STAU2: variants seen among roughly 807,000 people sequenced by gnomAD.
STAU2 encodes staufen double-stranded RNA binding protein 2.
Under a neutral mutation model 65.9 loss-of-function variants are expected in STAU2, and 20 were observed. The ratio of observed to expected loss-of-function variants is 0.30; its 90% CI spans 0.21 to 0.44. The LOEUF is 0.44. STAU2 is among the 20% of genes least tolerant of loss of function. STAU2 has a pLI of 1.00. For synonymous variants in STAU2, 232 were observed against 233.9 expected (o/e 0.99, Z 0.07); for missense variants, 558 against 683.9 (o/e 0.82, Z 2.05).
chr8:73,532,329 G>A (rs893269871), intron 13 of STAU2, among the ~76,000 whole-genome samples: 4 of 152,174 alleles, frequency 2.6e-5, no homozygotes, highest in African/African-American at 4.8e-5. Flanking sequence ...TGCGGGGAAC[G>A]TGCACCTGTA....
At chr8:73,521,492 G>C (rs1823037598) in intron 13 of STAU2, among the ~76,000 whole-genome samples, 1 of 152,086 alleles carries the variant, frequency 6.6e-6, no homozygotes, top group African/African-American at 2.4e-5. Context: ...ATATAGATTT[G>C]GTTCTTGCTT....
chr8:73,724,302 A>G (rs1208585795), intron 3 of STAU2, among the ~76,000 whole-genome samples: 1 of 152,200 alleles, frequency 6.6e-6, no homozygotes, highest in Admixed American at 6.5e-5. Context: ...GTTACACCAC[A>G]TGGACCAGAG....
intron 1 of STAU2, among the ~76,000 whole-genome samples, chr8:73,742,038 A>C (rs1206912907): frequency 6.6e-6 from 1 of 152,222 alleles, no homozygotes; most frequent in Admixed American, 6.5e-5. Flanking sequence ...CAGTTATTTT[A>C]GATTTACATC....
intron 7 of STAU2, among the ~76,000 whole-genome samples, chr8:73,617,069 T>C (rs1812879552): frequency 6.6e-6 from 1 of 151,978 alleles, no homozygotes; most frequent in Non-Finnish European, 1.5e-5. Context: ...CTCATCCTCA[T>C]ATACATCCCC....
chr8:73,462,774 C>T (rs1819438706), intron 13 of STAU2, among the ~76,000 whole-genome samples: 1 of 151,820 alleles, frequency 6.6e-6, no homozygotes, highest in African/African-American at 2.4e-5. Flanking sequence ...CAAGCCTTGC[C>T]TATATTGTGA....
At chr8:73,518,927 T>G (rs138578474) in intron 13 of STAU2, among the ~76,000 whole-genome samples, 2,420 of 152,288 alleles carry the variant, frequency 0.016, 21 homozygotes, top group Non-Finnish European at 0.026. Flanking sequence ...AGGACCATTT[T>G]GAAATATTTA....
rs561305624 is a variant in STAU2 at position 73,740,997 on chromosome 8, T to C, written c.-196-1129A>G. Among the ~76,000 whole-genome samples the C allele has an allele frequency of 4.9e-3, 683 of 139,272 alleles. 9 individuals carry two copies. The highest frequency in any genetic ancestry group is 3.4e-3 in the East Asian group (16 of 4,770). 91.4% of individuals were successfully genotyped at this position (139,272 alleles called of 152,430 possible). A position where few individuals can be genotyped will look rare whatever the true frequency, so the allele number is the denominator to read the frequency against. Reference sequence around the variant, plus strand: ...TCCAGTCCAGGTGACAGAGCAAGACTTCATCTCAGAAAAAAAAAAAAAAAA... The same window carrying C: ...TCCAGTCCAGGTGACAGAGCAAGACCTCATCTCAGAAAAAAAAAAAAAAAA... On this transcript the variant is annotated intron_variant, in intron 1 of 14. Transcript: ENST00000524300.
chr8:73,634,952 T>C (rs988475051), intron 6 of STAU2, among the ~76,000 whole-genome samples: 1 of 152,220 alleles, frequency 6.6e-6, no homozygotes, highest in African/African-American at 2.4e-5. Context: ...ATTTTTTATT[T>C]TCTATCTCCC....
chr8:73,452,504 C>T (rs191381625), intron 13 of STAU2, among the ~76,000 whole-genome samples: 1 of 152,164 alleles, frequency 6.6e-6, no homozygotes, highest in South Asian at 2.1e-4. Flanking sequence ...CCATTTCCCC[C>T]TGTAACAATA....
At chr8:73,710,376 C>CT (rs11389924) in intron 3 of STAU2, among the ~76,000 whole-genome samples, 11,904 of 133,566 alleles carry the variant, frequency 0.089, 583 homozygotes, top group Middle Eastern at 0.18. Flanking sequence ...GGCTTCTATC[C>CT]TTTTTTTTTT....
chr8:73,501,841 T>C (rs1563388900), intron 13 of STAU2, among the ~76,000 whole-genome samples: 1 of 151,992 alleles, frequency 6.6e-6, no homozygotes, highest in Admixed American at 6.6e-5. Context: ...TAAATGTAAA[T>C]TAAGATGTTT....
chr8:73,738,889 C>T (rs1806632085), intron 2 of STAU2, among the ~76,000 whole-genome samples: 1 of 152,142 alleles, frequency 6.6e-6, no homozygotes, highest in Admixed American at 6.5e-5. Context: ...AATTATCTTG[C>T]TGAATAGTTT....
rs572487329 is a variant in STAU2, at chr8:73,571,581, G to C, written c.1222+11189C>G. On this transcript the variant is annotated intron_variant, in intron 12 of 14. Transcript: ENST00000524300. ...CACAGTGCAATCAAACTAGAACTCAGGATTAAGAAACTCACTCAAAACCAC... is the reference window on the plus strand; with the variant it reads ...CACAGTGCAATCAAACTAGAACTCACGATTAAGAAACTCACTCAAAACCAC... 2.0e-5 allele frequency among the ~76,000 whole-genome samples: 3 copies of C among 152,258 alleles called. No individual in the cohort carries two copies. The East Asian group carries it at 5.8e-4, about 29-fold the overall frequency.
At chr8:73,449,577 G>C (rs746334178) in intron 13 of STAU2, among the ~76,000 whole-genome samples, 43 of 152,326 alleles carry the variant, frequency 2.8e-4, no homozygotes, top group Non-Finnish European at 4.9e-4. Flanking sequence ...ATTTCCAGGG[G>C]CACAGATTCT....
intron 11 of STAU2, among the ~76,000 whole-genome samples, 185 bp from the exon 12 acceptor site, chr8:73,583,015 T>A (rs1482736218): frequency 6.6e-6 from 1 of 152,212 alleles, no homozygotes; most frequent in Non-Finnish European, 1.5e-5. Flanking sequence ...TTTATTCCTT[T>A]TCTGCACCTA....
intron 3 of STAU2, among the ~76,000 whole-genome samples, chr8:73,711,131 CAAAAAAAAAAA>C (rs751087630): frequency 1.9e-4 from 6 of 31,096 alleles, no homozygotes; most frequent in Admixed American, 3.6e-4. Context: ...AAGTGGCTTG[CAAAAAAAAAAA>C]AAAAAAAAAA....
chr8:73,648,371 GATTT>G (rs1330103570), intron 6 of STAU2, among the ~76,000 whole-genome samples: 1 of 152,170 alleles, frequency 6.6e-6, no homozygotes, highest in Non-Finnish European at 1.5e-5. Flanking sequence ...TGCAGAAATA[GATTT>G]ATAATCCAAT....
chr8:73,561,520 C>A (rs1025485916), intron 12 of STAU2: 1 of 455,054 alleles, frequency 2.2e-6, no homozygotes, highest in African/African-American at 2.0e-5. Flanking sequence ...CTCAGAAAAA[C>A]TCCATTAGTT....
At chr8:73,560,174 G>A (rs889165858) in intron 12 of STAU2, among the ~76,000 whole-genome samples, 4 of 149,882 alleles carry the variant, frequency 2.7e-5, no homozygotes, top group African/African-American at 4.9e-5. Flanking sequence ...TCTGCCTCCC[G>A]GGTTCACGCC....
Sources: allele counts gnomAD v4.1 joint callset (sites outside exome capture counted in the v4.1 genomes callset), GRCh38; gene constraint gnomAD v4.1.1; transcripts MANE v1.5; gene names NCBI Gene and HGNC (gene_info 2026-07-23, HGNC 2026-07-21).